The following ARHGAP12 variants were observed in gnomAD, a reference collection of about 807,000 sequenced individuals.
ARHGAP12 encodes the protein rho GTPase-activating protein 12.
In ARHGAP12, 64 loss-of-function variants were observed where a neutral mutation model predicts 108.6. The ratio of observed to expected loss-of-function variants is 0.59; its 90% CI spans 0.48 to 0.73. The LOEUF is 0.73. Among genes scored for constraint, ARHGAP12 ranks in the 30% least tolerant of loss-of-function variants. The pLI is 0.00. For synonymous variants in ARHGAP12, 312 were observed against 337.2 expected, an observed-to-expected ratio of 0.93 and a Z score of 0.82; for missense variants, 940 against 1,005.9, an observed-to-expected ratio of 0.93 and a Z score of 0.89.
In ARHGAP12 at chr10:31,877,862, C is replaced by T. The variant is rs568713734; in HGVS notation, c.685-16204G>A. On this transcript the variant is annotated intron_variant, in intron 3 of 19. Transcript: ENST00000344936. Reference sequence around the variant, plus strand: ...ATTCCAGTACTTTGGGAAGTCAAGGCGGGCACATAGCTTGAGCCCAGCAGT... The same window carrying T: ...ATTCCAGTACTTTGGGAAGTCAAGGTGGGCACATAGCTTGAGCCCAGCAGT... Among the ~76,000 whole-genome samples the T allele has an allele frequency of 1.4e-4, 21 of 152,236 alleles. No homozygotes were observed. The East Asian group carries it at 3.5e-3, about 25-fold the overall frequency.
intron 15 of ARHGAP12, among the ~76,000 whole-genome samples, chr10:31,811,905 C>T (rs1289853800): frequency 6.6e-6 from 1 of 152,106 alleles, no homozygotes; most frequent in Admixed American, 6.5e-5. Context: ...AAGCAATCCT[C>T]CTGCCTCCCA....
chr10:31,832,677 T>TCA (rs1450135047), intron 9 of ARHGAP12, among the ~76,000 whole-genome samples: 2 of 152,186 alleles, frequency 1.3e-5, no homozygotes, highest in African/African-American at 2.4e-5. Context: ...TCTCTCTCTC[T>TCA]CACAAGGAAG....
chr10:31,873,837 T>C (rs1213392881), intron 3 of ARHGAP12, among the ~76,000 whole-genome samples: 1 of 152,238 alleles, frequency 6.6e-6, no homozygotes, highest in Non-Finnish European at 1.5e-5. Context: ...GATATGTTTG[T>C]CCTTGTTGGT....
At chr10:31,926,434 TACG>T (rs1464242906) in intron 1 of ARHGAP12, among the ~76,000 whole-genome samples, 1 of 152,208 alleles carries the variant, frequency 6.6e-6, no homozygotes, top group Non-Finnish European at 1.5e-5. Flanking sequence ...TATGTCGTAC[TACG>T]ACACCTTTCA....
chr10:31,881,714 C>T (rs1837963891), intron 3 of ARHGAP12, among the ~76,000 whole-genome samples: 1 of 152,138 alleles, frequency 6.6e-6, no homozygotes, highest in African/African-American at 2.4e-5. Context: ...CAGACTATTA[C>T]TCACTATCCA....
intron 4 of ARHGAP12, among the ~76,000 whole-genome samples, chr10:31,857,630 T>A (rs1338486184): frequency 5.3e-5 from 8 of 152,032 alleles, no homozygotes; most frequent in African/African-American, 1.7e-4. Flanking sequence ...CCCAGCTACA[T>A]CACAGTAAAA....
intron 11 of ARHGAP12, among the ~76,000 whole-genome samples, chr10:31,821,220 G>C (rs1482937750): frequency 1.3e-5 from 2 of 152,046 alleles, no homozygotes; most frequent in African/African-American, 4.8e-5. Context: ...AATTTAATGA[G>C]GAACTATGAA....
intron 13 of ARHGAP12, among the ~76,000 whole-genome samples, chr10:31,815,063 G>A (rs1158456871): frequency 6.7e-6 from 1 of 148,856 alleles, no homozygotes; most frequent in Non-Finnish European, 1.5e-5. Context: ...AGAGGTTGCA[G>A]TGAGCCAAGA....
chr10:31,858,777 G>A (rs560750293), intron 4 of ARHGAP12, among the ~76,000 whole-genome samples: 6 of 152,102 alleles, frequency 3.9e-5, no homozygotes, highest in African/African-American at 1.4e-4. Context: ...TCACAACAGC[G>A]AAATGTGCTT....
chr10:31,818,366 G>C (rs1201465457), intron 12 of ARHGAP12, among the ~76,000 whole-genome samples: 1 of 152,112 alleles, frequency 6.6e-6, no homozygotes, highest in African/African-American at 2.4e-5. Context: ...AAATATAATG[G>C]CTTAGTACAA....
Position 31,908,558 on chromosome 10 carries a change from G to T in ARHGAP12, c.298C>A (p.Leu100Ile), listed in dbSNP as rs778248302. The T allele has an allele frequency of 6.2e-7, 1 of 1,614,180 alleles. No homozygotes were observed. Among genetic ancestry groups the T allele is most frequent in the Admixed American group, 1.7e-5 (1 of 60,020 alleles). ...NSTKIMQSLH[L>I]QRSTENVNKL... ...TTCACATTTTCTGTTGATCTCTGAA[G>T]ATGCAAACTCTGCATTATTTTCGTG... is the stretch of plus-strand genomic sequence containing the variant. The change falls in exon 3 of 20, where the codon CTT becomes ATT. Residue 100 changes from leucine (L) to isoleucine (I), a missense_variant. Physicochemically the swap from Leu to Ile is conservative, Grantham distance 5. Transcript: ENST00000344936.
At chr10:31,898,806 T>C (rs1442588107) in intron 3 of ARHGAP12, among the ~76,000 whole-genome samples, 1 of 152,048 alleles carries the variant, frequency 6.6e-6, no homozygotes, top group Non-Finnish European at 1.5e-5. Context: ...CCATCTAGGT[T>C]TGTGTAAGTA....
At chr10:31,868,089 T>G (rs1452102147) in intron 3 of ARHGAP12, among the ~76,000 whole-genome samples, 2 of 151,912 alleles carry the variant, frequency 1.3e-5, no homozygotes, top group Non-Finnish European at 2.9e-5. Context: ...TCCCAGCTAC[T>G]TGGGAGGCTG....
chr10:31,810,576 T>C, intron 16 of ARHGAP12, 73 bp downstream of exon 16: 1 of 1,049,712 alleles, frequency 9.5e-7, no homozygotes, highest in Non-Finnish European at 1.4e-6. Context: ...ATAAAAATTC[T>C]AGGAATTTTG....
chr10:31,825,135 G>C (rs1835556963), intron 11 of ARHGAP12, among the ~76,000 whole-genome samples: 1 of 152,150 alleles, frequency 6.6e-6, no homozygotes, highest in African/African-American at 2.4e-5. Context: ...AAACGATCTA[G>C]AATGTTCACA....
chr10:31,815,340 A>T (rs2132152702), intron 13 of ARHGAP12, among the ~76,000 whole-genome samples: 1 of 152,262 alleles, frequency 6.6e-6, no homozygotes, highest in East Asian at 1.9e-4. Context: ...CTGCACCAGC[A>T]CCATCTGCTT....
chr10:31,814,905 G>T (rs1835145306), intron 13 of ARHGAP12, among the ~76,000 whole-genome samples: 1 of 151,994 alleles, frequency 6.6e-6, no homozygotes, highest in Admixed American at 6.6e-5. Flanking sequence ...ATCACCTGAG[G>T]TTATGAGATT....
intron 10 of ARHGAP12, among the ~76,000 whole-genome samples, chr10:31,828,527 T>C (rs1330944373): frequency 6.6e-6 from 1 of 152,212 alleles, no homozygotes; most frequent in Non-Finnish European, 1.5e-5. Flanking sequence ...AATTAGCCTA[T>C]TTCCACTTTA....
chr10:31,870,377 T>C (rs1837495705), intron 3 of ARHGAP12, among the ~76,000 whole-genome samples: 1 of 151,948 alleles, frequency 6.6e-6, no homozygotes, highest in Non-Finnish European at 1.5e-5. Flanking sequence ...ATTACAGGCA[T>C]GCGCCACCCC....
Sources: allele counts gnomAD v4.1 joint callset (sites outside exome capture counted in the v4.1 genomes callset), GRCh38; gene constraint gnomAD v4.1.1; transcripts MANE v1.5; gene names NCBI Gene and HGNC (gene_info 2026-07-23, HGNC 2026-07-21).